The following FARSB variants were observed in gnomAD, a reference collection of about 807,000 sequenced individuals.
FARSB encodes the protein phenylalanine--tRNA ligase beta subunit.
Under a neutral mutation model 69.6 loss-of-function variants are expected in FARSB, and 40 were observed. The observed-to-expected ratio is 0.57, with a 90% CI of 0.45 to 0.75. The LOEUF is 0.75. Among genes scored for constraint, FARSB ranks in the 30% least tolerant of loss-of-function variants. The pLI, the probability that FARSB is intolerant of heterozygous loss-of-function variation, is 0.00. For synonymous variants in FARSB, 235 were observed against 247.2 expected, an observed-to-expected ratio of 0.95 and a Z score of 0.46; for missense variants, 632 against 722.9, an observed-to-expected ratio of 0.87 and a Z score of 1.44.
intron 16 of FARSB, among the ~76,000 whole-genome samples, chr2:222,581,286 T>C (rs895770382): frequency 6.6e-6 from 1 of 152,084 alleles, no homozygotes; most frequent in Non-Finnish European, 1.5e-5. Context: ...AATATATATA[T>C]AGAAGAGTAA....
At chr2:222,619,205 C>T (rs1036075687) in intron 14 of FARSB, among the ~76,000 whole-genome samples, 2 of 150,872 alleles carry the variant, frequency 1.3e-5, no homozygotes, top group African/African-American at 4.9e-5. Context: ...ACTTGGGAGG[C>T]TGAGGCAGCA....
intron 16 of FARSB, among the ~76,000 whole-genome samples, chr2:222,574,506 G>A (rs1689788264): frequency 6.6e-6 from 1 of 152,152 alleles, no homozygotes; most frequent in Admixed American, 6.5e-5. Flanking sequence ...GTCCAATGGA[G>A]CTGACAGCAC....
At chr2:222,601,830 A>AT (rs1690569244) in intron 15 of FARSB, among the ~76,000 whole-genome samples, 1 of 152,010 alleles carries the variant, frequency 6.6e-6, no homozygotes, top group Non-Finnish European at 1.5e-5. Context: ...CACTCAGCTA[A>AT]TTTTTTAATT....
chr2:222,634,621 G>A lies in FARSB; in HGVS notation c.456-80C>T, dbSNP rs1274136593. 2.8e-5 allele frequency: 32 copies of A among 1,123,630 alleles called. No homozygotes were observed. In the Middle Eastern group the frequency reaches 6.2e-4, roughly 22 times the overall value. The allele number at this position is 1,123,630 out of a possible 1,614,324, so 69.6% of individuals were successfully genotyped here. A position where few individuals can be genotyped will look rare whatever the true frequency, so the allele number is the denominator to read the frequency against. ...AGACAGATTTGAATATTCTAAAGCC[G>A]AAATTCTAAAGATAACATAAATATA... is the stretch of plus-strand genomic sequence containing the variant. On this transcript the variant is annotated intron_variant, in intron 5 of 16. Transcript: ENST00000281828.
intron 1 of FARSB, among the ~76,000 whole-genome samples, chr2:222,655,615 C>A (rs977816082): frequency 6.6e-6 from 1 of 152,208 alleles, no homozygotes; most frequent in East Asian, 1.9e-4. Context: ...CCGTTCTCCA[C>A]CCCGCTGCAC....
intron 16 of FARSB, among the ~76,000 whole-genome samples, chr2:222,593,398 G>T (rs923942551): frequency 6.6e-6 from 1 of 152,154 alleles, no homozygotes; most frequent in East Asian, 1.9e-4. Flanking sequence ...GGCAGCAGAT[G>T]GCTGTGATTG....
chr2:222,598,802 C>T lies in FARSB; in HGVS notation c.1618+1126G>A, dbSNP rs183332191. ...ACCCCAGTTCCCTCACTCATAAAACCGGGCTCGTGGGCTGGATGAACTCCA... is the reference window on the plus strand; with the variant it reads ...ACCCCAGTTCCCTCACTCATAAAACTGGGCTCGTGGGCTGGATGAACTCCA... On this transcript the variant is annotated intron_variant, in intron 16 of 16. Coordinates refer to ENST00000281828, the MANE Select transcript of FARSB (RefSeq NM_005687.5). Among the ~76,000 whole-genome samples the T allele has an allele frequency of 1.5e-3, 234 of 152,162 alleles. 1 individual carries two copies. Among genetic ancestry groups the T allele is most frequent in the African/African-American group, 5.4e-3 (226 of 41,528 alleles).
intron 4 of FARSB, 119 bp downstream of exon 4, chr2:222,640,743 C>A: frequency 1.7e-6 from 1 of 604,304 alleles, no homozygotes; most frequent in Non-Finnish European, 2.9e-6. Context: ...GCAAAAGAGC[C>A]AGACCCTGTC....
At chr2:222,628,293 A>G (rs983124010) in intron 10 of FARSB, among the ~76,000 whole-genome samples, 2 of 152,192 alleles carry the variant, frequency 1.3e-5, no homozygotes, top group Admixed American at 1.3e-4. Flanking sequence ...AATATAGAGG[A>G]GCAGACTACG....
intron 16 of FARSB, among the ~76,000 whole-genome samples, chr2:222,585,624 G>C (rs188135536): frequency 5.3e-5 from 8 of 152,222 alleles, no homozygotes; most frequent in Admixed American, 4.6e-4. Flanking sequence ...TAAAAACCTT[G>C]AAAAAAGATT....
At chr2:222,582,655 T>C (rs1328348392) in intron 16 of FARSB, among the ~76,000 whole-genome samples, 2 of 152,192 alleles carry the variant, frequency 1.3e-5, no homozygotes, top group East Asian at 1.9e-4. Context: ...TCGGGCGCAG[T>C]GGCTCACGCC....
intron 3 of FARSB, among the ~76,000 whole-genome samples, chr2:222,641,282 C>A (rs753906081): frequency 1.8e-4 from 27 of 152,186 alleles, no homozygotes; most frequent in Non-Finnish European, 3.7e-4. Context: ...GATAGTTATT[C>A]TAACCATGAG....
intron 14 of FARSB, among the ~76,000 whole-genome samples, chr2:222,614,252 A>G (rs1161616201): frequency 6.6e-6 from 1 of 152,078 alleles, no homozygotes; most frequent in African/African-American, 2.4e-5. Flanking sequence ...ATCATTCATT[A>G]TTTTATTTTT....
intron 4 of FARSB, among the ~76,000 whole-genome samples, chr2:222,640,332 T>C (rs1002862577): frequency 6.6e-6 from 1 of 151,744 alleles, no homozygotes; most frequent in Admixed American, 6.6e-5. Context: ...TTCTAAACAA[T>C]ACAAAAAATT....
intron 15 of FARSB, among the ~76,000 whole-genome samples, chr2:222,606,182 T>C (rs929727051): frequency 1.4e-4 from 21 of 152,304 alleles, no homozygotes; most frequent in African/African-American, 2.9e-4. Flanking sequence ...CCAAGGGTTA[T>C]TGCTCTCTCC....
At chr2:222,608,751 C>T (rs1255529196) in intron 15 of FARSB, among the ~76,000 whole-genome samples, 2 of 152,146 alleles carry the variant, frequency 1.3e-5, no homozygotes, top group Non-Finnish European at 2.9e-5. Flanking sequence ...ATGTAGCTTG[C>T]ACCAGGACTA....
intron 16 of FARSB, among the ~76,000 whole-genome samples, chr2:222,585,660 A>C (rs1375144997): frequency 6.6e-6 from 1 of 152,234 alleles, no homozygotes; most frequent in Admixed American, 6.5e-5. Flanking sequence ...AATAAACAGC[A>C]TAGAGAAGAC....
chr2:222,619,319 TAA>T (rs35884135), intron 14 of FARSB, among the ~76,000 whole-genome samples: 18,550 of 124,030 alleles, frequency 0.15, 1,324 homozygotes, highest in African/African-American at 0.2. Context: ...AAATAAAAAT[TAA>T]AAAAAAAAAA....
At chr2:222,615,947 T>C (rs1238053380) in intron 14 of FARSB, among the ~76,000 whole-genome samples, 3 of 152,196 alleles carry the variant, frequency 2.0e-5, no homozygotes. Context: ...ATAAACAAAC[T>C]ACTGTTATAG....
Sources: gnomAD v4.1 joint callset for allele counts (sites outside exome capture counted in the v4.1 genomes callset) on GRCh38, gnomAD v4.1.1 for gene constraint, MANE v1.5 for transcripts, NCBI Gene and HGNC (gene_info 2026-07-23, HGNC 2026-07-21) for gene names.